Variants in HTR1F observed in about 807,000 individuals in gnomAD.
HTR1F encodes 5-hydroxytryptamine receptor 1F.
In HTR1F, 17 loss-of-function variants were observed where a neutral mutation model predicts 24.0. The observed-to-expected ratio is 0.71, with a 90% confidence interval of 0.48 to 1.06. The LOEUF (loss-of-function observed/expected upper bound fraction) is 1.06, where lower values mean the gene tolerates loss of function less well. Ranked by LOEUF, HTR1F falls within the 50% of genes least tolerant of loss-of-function variation. The pLI is 0.00. For synonymous variants in HTR1F, 186 were observed against 156.8 expected (o/e 1.19, Z -1.39); for missense variants, 391 against 427.8 (o/e 0.91, Z 0.76).
intron 2 of HTR1F, among the ~76,000 whole-genome samples, chr3:87,961,684 C>A (rs945866304): frequency 6.6e-6 from 1 of 151,774 alleles, no homozygotes; most frequent in Non-Finnish European, 1.5e-5. Context: ...TAATATCTCA[C>A]CCAGCGAGAC....
intron 2 of HTR1F, among the ~76,000 whole-genome samples, chr3:87,900,622 G>C (rs1706300011): frequency 6.6e-6 from 1 of 152,136 alleles, no homozygotes. Flanking sequence ...ATGGGGAGTA[G>C]ACTTGAGAGA....
chr3:87,831,334 ATT>A (rs1179019625), intron 2 of HTR1F, among the ~76,000 whole-genome samples: 7 of 9,756 alleles, frequency 7.2e-4, no homozygotes, highest in African/African-American at 2.6e-3. Context: ...TTAAGAAATT[ATT>A]ATTATTATTA....
At chr3:87,866,395 A>G (rs909021761) in intron 2 of HTR1F, among the ~76,000 whole-genome samples, 1 of 152,180 alleles carries the variant, frequency 6.6e-6, no homozygotes, top group Non-Finnish European at 1.5e-5. Context: ...CTTAGCTCTA[A>G]TGCACCCATA....
At chr3:87,913,310 A>G (rs186149313) in intron 2 of HTR1F, among the ~76,000 whole-genome samples, 1 of 152,196 alleles carries the variant, frequency 6.6e-6, no homozygotes, top group Non-Finnish European at 1.5e-5. Context: ...GAAGACAGAC[A>G]TGTTGCCAAC....
intron 2 of HTR1F, among the ~76,000 whole-genome samples, chr3:87,965,327 T>C (rs898678592): frequency 1.3e-5 from 2 of 152,190 alleles, no homozygotes; most frequent in African/African-American, 4.8e-5. Context: ...TTCTACATTA[T>C]GGAGTCTAAA....
Position 87,991,672 on chromosome 3 carries a change from C to T in HTR1F, c.923C>T (p.Pro308Leu), listed in dbSNP as rs1397711861. The T allele has an allele frequency of 5.0e-6, 8 of 1,612,972 alleles. No individual in the cohort carries two copies. The highest frequency in any genetic ancestry group is 6.8e-6 in the Non-Finnish European group (8 of 1,179,616). The change falls in exon 3 of 3, where the codon CCT (proline) becomes CTT (leucine). Residue 308 changes from proline (P) to leucine (L), a missense_variant. By Grantham distance (98) the Pro-to-Leu change is moderately conservative (BLOSUM62 -3). Transcript: ENST00000319595. ...ILGAFVICWL[P>L]FFVKELVVNV... ...GGTGCATTTGTAATATGTTGGCTTC[C>T]TTTTTTTGTAAAAGAATTAGTTGTT... is the stretch of plus-strand genomic sequence containing the variant.
intron 1 of HTR1F, among the ~76,000 whole-genome samples, chr3:87,806,134 C>T (rs1266746221): frequency 1.3e-5 from 2 of 151,858 alleles, no homozygotes; most frequent in African/African-American, 4.8e-5. Context: ...TGTATAAATC[C>T]CACATTTTCT....
At chr3:87,892,869 AAAAC>A (rs1322654004) in intron 2 of HTR1F, among the ~76,000 whole-genome samples, 1 of 152,176 alleles carries the variant, frequency 6.6e-6, no homozygotes, top group Non-Finnish European at 1.5e-5. Flanking sequence ...TGTTAAATAA[AAAAC>A]AGTTTGCTAC....
intron 2 of HTR1F, among the ~76,000 whole-genome samples, chr3:87,935,414 T>G (rs72915609): frequency 5.9e-5 from 9 of 151,896 alleles, no homozygotes; most frequent in Admixed American, 4.6e-4. Context: ...AACTTTTTTT[T>G]CCCCAGTTTT....
intron 2 of HTR1F, among the ~76,000 whole-genome samples, chr3:87,981,765 T>G (rs1705549091): frequency 6.6e-6 from 1 of 152,190 alleles, no homozygotes; most frequent in South Asian, 2.1e-4. Flanking sequence ...GGTTTCAGTG[T>G]GTTCATTGAA....
chr3:87,975,738 C>G (rs1705382231), intron 2 of HTR1F, among the ~76,000 whole-genome samples: 1 of 152,180 alleles, frequency 6.6e-6, no homozygotes, highest in Admixed American at 6.5e-5. Flanking sequence ...CACTGCCTGC[C>G]TTATCCAAGT....
chr3:87,951,233 A>G (rs1309741710), intron 2 of HTR1F, among the ~76,000 whole-genome samples: 1 of 152,208 alleles, frequency 6.6e-6, no homozygotes, highest in Non-Finnish European at 1.5e-5. Flanking sequence ...GATGTCAAGC[A>G]TAATGTCTAA....
intron 2 of HTR1F, among the ~76,000 whole-genome samples, chr3:87,892,899 C>G (rs1386764175): frequency 2.0e-5 from 3 of 151,878 alleles, no homozygotes; most frequent in Non-Finnish European, 4.4e-5. Context: ...TCTGTCAGGC[C>G]TACCTTTGTC....
intron 2 of HTR1F, among the ~76,000 whole-genome samples, chr3:87,869,454 T>TA (rs113301497): frequency 0.24 from 28,803 of 119,106 alleles, 3,857 homozygotes; most frequent in African/African-American, 0.37. Context: ...GATAGATAGA[T>TA]GATAGATAGA....
intron 2 of HTR1F, among the ~76,000 whole-genome samples, chr3:87,832,453 G>A (rs1281379310): frequency 1.3e-5 from 2 of 150,384 alleles, no homozygotes; most frequent in East Asian, 2.0e-4. Context: ...TCAGCCTCCC[G>A]AGTAGCTGGG....
intron 2 of HTR1F, among the ~76,000 whole-genome samples, chr3:87,964,218 A>G (rs2915278): frequency 0.39 from 58,814 of 151,876 alleles, 12,922 homozygotes; most frequent in African/African-American, 0.62. Flanking sequence ...ATATTAGAAT[A>G]TAAAACTATA....
At chr3:87,817,337 A>G (rs1704267592) in intron 1 of HTR1F, among the ~76,000 whole-genome samples, 1 of 152,178 alleles carries the variant, frequency 6.6e-6, no homozygotes. Flanking sequence ...GTACATCTCT[A>G]TATAGTGTGC....
chr3:87,889,204 G>A (rs1348169032), intron 2 of HTR1F, among the ~76,000 whole-genome samples: 1 of 152,012 alleles, frequency 6.6e-6, no homozygotes, highest in Non-Finnish European at 1.5e-5. Flanking sequence ...CAGATGCCCA[G>A]TCTTAAACTT....
intron 2 of HTR1F, among the ~76,000 whole-genome samples, chr3:87,846,580 T>TA (rs1443198254): frequency 6.6e-6 from 1 of 151,960 alleles, no homozygotes; most frequent in African/African-American, 2.4e-5. Flanking sequence ...GATAGCAACA[T>TA]AGTCAGCATT....
Sources: gnomAD v4.1 joint callset for allele counts (sites outside exome capture counted in the v4.1 genomes callset) on GRCh38, gnomAD v4.1.1 for gene constraint, MANE v1.5 for transcripts, NCBI Gene and HGNC (gene_info 2026-07-23, HGNC 2026-07-21) for gene names.